Variants in ALG8 observed in about 807,000 individuals in gnomAD.
ALG8 encodes dolichyl pyrophosphate Glc1Man9GlcNAc2 alpha-1,3-glucosyltransferase.
Under a neutral mutation model 70.2 loss-of-function variants are expected in ALG8, and 48 were observed. The ratio of observed to expected loss-of-function variants is 0.68; its 90% confidence interval spans 0.54 to 0.87. ALG8 has a LOEUF of 0.87. ALG8 is among the 40% of genes least tolerant of loss of function. The probability of loss-of-function intolerance (pLI) is 0.00; values close to 1 mark genes in which losing one functional copy is unlikely to be tolerated. For missense variants in ALG8, 572 were observed against 608.7 expected, an observed-to-expected ratio of 0.94 and a Z score of 0.64; for synonymous variants, 234 against 229.0, an observed-to-expected ratio of 1.02 and a Z score of -0.20.
chr11:78,126,472 C>T (rs1425170799), intron 2 of ALG8, among the ~76,000 whole-genome samples: 1 of 146,468 alleles, frequency 6.8e-6, no homozygotes, highest in East Asian at 2.0e-4. Flanking sequence ...GCGGAGGTTG[C>T]AGTGAGCTGA....
intron 1 of ALG8, among the ~76,000 whole-genome samples, chr11:78,135,718 T>G (rs965838083): frequency 2.0e-5 from 3 of 151,898 alleles, no homozygotes; most frequent in Non-Finnish European, 2.9e-5. Flanking sequence ...CATGATGGTG[T>G]GCACCTGTAA....
intron 5 of ALG8, chr11:78,114,918 A>G (rs1172750743): frequency 1.5e-5 from 3 of 195,784 alleles, no homozygotes; most frequent in Non-Finnish European, 1.1e-5. Flanking sequence ...GGAGGCTGCA[A>G]TGAGCCATGA....
chr11:78,128,634 C>T (rs912836996), intron 1 of ALG8, among the ~76,000 whole-genome samples: 8 of 140,322 alleles, frequency 5.7e-5, no homozygotes, highest in African/African-American at 1.4e-4. Flanking sequence ...TTTTTGGAGA[C>T]GGAGTCTCGC....
At chr11:78,123,315 G>GAAAAAAAAAAAAAAAAAAAAAAAA (rs1220218900) in intron 3 of ALG8, among the ~76,000 whole-genome samples, 9 of 88,534 alleles carry the variant, frequency 1.0e-4, no homozygotes, top group South Asian at 7.6e-4. Flanking sequence ...GGAAAAAAAA[G>GAAAAAAAAAAAAAAAAAAAAAAAA]AAAAAAAAAA....
chr11:78,118,280 C>A (rs1860668837), intron 5 of ALG8, among the ~76,000 whole-genome samples: 1 of 152,052 alleles, frequency 6.6e-6, no homozygotes, highest in South Asian at 2.1e-4. Flanking sequence ...AAGACTGCTG[C>A]TAGAGACTTC....
At chr11:78,107,911 CTGA>C (rs1860117754) in intron 9 of ALG8, 1 of 151,596 alleles carries the variant, frequency 6.6e-6, no homozygotes, top group African/African-American at 2.4e-5. Flanking sequence ...CTTTGGGAGG[CTGA>C]TGCAAGTCGA....
intron 12 of ALG8, among the ~76,000 whole-genome samples, chr11:78,101,741 G>A (rs111908986): frequency 0.049 from 7,416 of 152,290 alleles, 272 homozygotes; most frequent in Non-Finnish European, 0.071. Context: ...TTTAGCTCAA[G>A]CTGCTCAGAG....
intron 2 of ALG8, among the ~76,000 whole-genome samples, chr11:78,126,569 TACAG>T (rs1248334707): frequency 6.7e-6 from 1 of 149,402 alleles, no homozygotes; most frequent in Admixed American, 6.6e-5. Context: ...GAAATAAAAA[TACAG>T]ACATAGTTTT....
chr11:78,132,068 T>C (rs1367591037), intron 1 of ALG8, among the ~76,000 whole-genome samples: 1 of 152,194 alleles, frequency 6.6e-6, no homozygotes, highest in African/African-American at 2.4e-5. Context: ...CATTCACCTT[T>C]TCCCTCTGCC....
rs7105633 is a variant in ALG8, at chr11:78,121,423, T to G, written c.369-249A>C. On this transcript the variant is annotated intron_variant, in intron 3 of 12. Transcript: ENST00000299626. The stretch of plus-strand genomic sequence containing the variant: ...GCACCCCAAAGTCCATGCCATTCTT[T>G]ATTTCTTAAAAAGGTCACAGCAAGC... Among the ~76,000 whole-genome samples, 32,952 of 151,444 alleles carry G rather than the reference T, an allele frequency of 0.22. 4,438 individuals are homozygous for G. Among genetic ancestry groups the G allele is most frequent in the African/African-American group, 0.38 (15,660 of 41,188 alleles).
At position 78,106,754 on chromosome 11, in the gene ALG8, T is replaced by C. The variant is rs1860050555; in HGVS notation, c.1178+53A>G. 8.7e-6 allele frequency: 14 copies of C among 1,610,212 alleles called. No individual in the cohort carries two copies. The Middle Eastern group carries it at 5.0e-4, about 57-fold the overall frequency. On this transcript the variant is annotated intron_variant, in intron 10 of 12. Coordinates refer to ENST00000299626, the MANE Select transcript of ALG8 (RefSeq NM_024079.5). ...AAGAAGGGACAGAGCAAATAGAAAATAGGATCATTGTGAAATATGCCAAAA... is the reference window on the plus strand; with the variant it reads ...AAGAAGGGACAGAGCAAATAGAAAACAGGATCATTGTGAAATATGCCAAAA...
intron 1 of ALG8, among the ~76,000 whole-genome samples, chr11:78,131,910 G>A (rs530053172): frequency 2.6e-5 from 4 of 152,158 alleles, no homozygotes; most frequent in East Asian, 3.9e-4. Flanking sequence ...TCTAAATCAC[G>A]AATGTTATAT....
In ALG8 at chr11:78,106,826, G is replaced by T; in HGVS notation, c.1159C>A (p.Leu387Ile). The change falls in exon 10 of 13, where the codon CTA becomes ATA. Residue 387 changes from leucine (L) to isoleucine (I), a missense_variant. Physicochemically the swap from Leu to Ile is conservative, Grantham distance 5 (BLOSUM62 2). Transcript: ENST00000299626. ...GCTTACCTCATTGGGAGAATTGCTA[G>T]AAGTATGGCTTTTTCATGAACATGC... ...GWHVHEKAIL[L>I]AILPMSLLSV... 1 of 1,614,054 alleles carries T rather than the reference G, an allele frequency of 6.2e-7. No individual in the cohort carries two copies. Among genetic ancestry groups the T allele is most frequent in the Non-Finnish European group, 8.5e-7 (1 of 1,179,976 alleles).
chr11:78,114,665 AT>A (rs35715600), intron 5 of ALG8: 12 of 475,754 alleles, frequency 2.5e-5, no homozygotes, highest in Admixed American at 9.8e-5. Context: ...CAAAAAGGTT[AT>A]TTAAAAAACT....
At position 78,114,366 on chromosome 11, in the gene ALG8, G is replaced by C. The variant is rs1215284185; in HGVS notation, c.573C>G (p.Leu191=). Residue 191 remains leucine, a synonymous_variant, in exon 6 of 13, where the codon CTC becomes CTG. Transcript: ENST00000299626. ...GCTTGAAATGTAGGAGAACAGCAAA[G>C]AGAAATGCTCCTTCCATATGCCTTT... is the stretch of plus-strand genomic sequence containing the variant. ...FQKRHMEGAF[L]FAVLLHFKHI... The C allele has an allele frequency of 6.2e-7, 1 of 1,613,918 alleles. No individual in the cohort carries two copies. Among genetic ancestry groups the C allele is most frequent in the Non-Finnish European group, 8.5e-7 (1 of 1,179,976 alleles).
intron 12 of ALG8, among the ~76,000 whole-genome samples, 181 bp from the exon 13 acceptor site, chr11:78,101,376 C>A (rs1398073589): frequency 1.3e-5 from 2 of 152,144 alleles, no homozygotes; most frequent in Admixed American, 1.3e-4. Context: ...TGCCTGTAAT[C>A]CCAGCACTTT....
chr11:78,133,775 G>T (rs528198128), intron 1 of ALG8, among the ~76,000 whole-genome samples: 2 of 151,910 alleles, frequency 1.3e-5, no homozygotes, highest in Non-Finnish European at 2.9e-5. Context: ...GGTGAGGGGC[G>T]CCTGTAGGGT....
At chr11:78,139,149 A>C in intron 1 of ALG8, 1 of 378,716 alleles carries the variant, frequency 2.6e-6, no homozygotes. Context: ...TCACCACCGC[A>C]TCTCCCGGGA....
At chr11:78,122,056 A>G (rs941376331) in intron 3 of ALG8, among the ~76,000 whole-genome samples, 21 of 152,088 alleles carry the variant, frequency 1.4e-4, no homozygotes, top group Non-Finnish European at 1.6e-4. Context: ...TTTACTTTGC[A>G]TGTGTGTGTG....
Sources: gnomAD v4.1 joint callset for allele counts (sites outside exome capture counted in the v4.1 genomes callset) on GRCh38, gnomAD v4.1.1 for gene constraint, MANE v1.5 for transcripts, NCBI Gene and HGNC (gene_info 2026-07-23, HGNC 2026-07-21) for gene names.